Variants in PARD3B observed in about 807,000 individuals in gnomAD.
PARD3B encodes partitioning defective 3 homolog B.
In PARD3B, 103 loss-of-function variants were observed where a neutral mutation model predicts 130.2. That is an observed-to-expected ratio of 0.79 (90% confidence interval 0.67 to 0.93). The LOEUF (loss-of-function observed/expected upper bound fraction) is 0.93, where lower values mean the gene tolerates loss of function less well. PARD3B is among the 40% of genes least tolerant of loss of function. The pLI, the probability that PARD3B is intolerant of heterozygous loss-of-function variation, is 0.00. For missense variants in PARD3B, 1,609 were observed against 1,499.2 expected (o/e 1.07, Z -1.21); for synonymous variants, 583 against 553.2 (o/e 1.05, Z -0.76).
chr2:205,145,835 A>AC (rs1306046764), intron 10 of PARD3B, among the ~76,000 whole-genome samples: 2 of 151,824 alleles, frequency 1.3e-5, no homozygotes, highest in Non-Finnish European at 2.9e-5. Flanking sequence ...AAAAAAAAAA[A>AC]AAAAACACCT....
chr2:205,524,033 T>C (rs1237701728), intron 21 of PARD3B, among the ~76,000 whole-genome samples: 1 of 152,092 alleles, frequency 6.6e-6, no homozygotes, highest in Non-Finnish European at 1.5e-5. Flanking sequence ...TCTATTATCT[T>C]TAGGTTTTTA....
intron 11 of PARD3B, among the ~76,000 whole-genome samples, chr2:205,167,526 A>G (rs2034889534): frequency 1.3e-5 from 2 of 152,206 alleles, no homozygotes; most frequent in Admixed American, 1.3e-4. Context: ...CATGACTTGT[A>G]ACAATTCATT....
Position 205,499,960 on chromosome 2 carries a change from CGGAG to C in PARD3B, c.3113_3116del (p.Arg1038LysfsTer56). On this transcript the variant is annotated frameshift_variant, in exon 21 of 23. Coordinates refer to ENST00000406610, the MANE Select transcript of PARD3B (RefSeq NM_001302769.2). LOFTEE classifies it high-confidence loss of function. ...GTTGCGGAAAGAGTATTATCAGGCT[CGGAG>C]GGAAGGTTTCCCTTTATATGAAGAC... 1 of 1,613,774 alleles carries C rather than the reference CGGAG, an allele frequency of 6.2e-7. No individual in the cohort carries two copies. The highest frequency in any genetic ancestry group is 8.5e-7 in the Non-Finnish European group (1 of 1,179,732).
chr2:205,037,998 T>C (rs569266805), intron 3 of PARD3B, among the ~76,000 whole-genome samples: 10 of 152,268 alleles, frequency 6.6e-5, no homozygotes, highest in Admixed American at 5.9e-4. Context: ...ATAGAGATTG[T>C]TTATAATTAT....
intron 2 of PARD3B, among the ~76,000 whole-genome samples, chr2:204,744,537 G>A (rs1006504795): frequency 1.3e-5 from 2 of 152,184 alleles, no homozygotes; most frequent in Non-Finnish European, 2.9e-5. Flanking sequence ...CTGAATGTAT[G>A]TTTTAAAAGA....
At chr2:205,503,630 G>A (rs901312105) in intron 21 of PARD3B, among the ~76,000 whole-genome samples, 24 of 152,070 alleles carry the variant, frequency 1.6e-4, no homozygotes, top group African/African-American at 5.8e-4. Flanking sequence ...TTGTTCTTTT[G>A]TCTTAGGATT....
chr2:204,614,356 T>G (rs2034034252), intron 1 of PARD3B, among the ~76,000 whole-genome samples: 1 of 152,172 alleles, frequency 6.6e-6, no homozygotes, highest in African/African-American at 2.4e-5. Flanking sequence ...ATTTTATACT[T>G]AGAGTATATC....
In PARD3B at chr2:204,965,162, T is replaced by C; in HGVS notation, c.233T>C (p.Val78Ala). Residue 78 changes from valine (V) to alanine (A), a missense_variant, in exon 3 of 23, where the codon GTG becomes GCG. Coordinates refer to ENST00000406610, the MANE Select transcript of PARD3B (RefSeq NM_001302769.2). ...VVEDKDKLIAVFEEQEPLHKI... is the reference protein window; with the variant it reads ...VVEDKDKLIAAFEEQEPLHKI... ...TGGATTTGTTTGTAGCTGATTGCTG[T>C]GTTTGAAGAACAAGAACCACTCCAC... 2 of 1,613,378 alleles carry C rather than the reference T, an allele frequency of 1.2e-6. No individual in the cohort carries two copies. The highest frequency in any genetic ancestry group is 1.7e-6 in the Non-Finnish European group (2 of 1,179,584).
At chr2:205,161,224 T>G (rs988180523) in intron 11 of PARD3B, among the ~76,000 whole-genome samples, 1 of 152,214 alleles carries the variant, frequency 6.6e-6, no homozygotes, top group Non-Finnish European at 1.5e-5. Context: ...TATCCATGTT[T>G]GTGTAAGTGA....
At chr2:205,251,209 G>C (rs939232773) in intron 16 of PARD3B, among the ~76,000 whole-genome samples, 1 of 152,136 alleles carries the variant, frequency 6.6e-6, no homozygotes, top group Non-Finnish European at 1.5e-5. Flanking sequence ...TTGAGTATGA[G>C]AGGGACATCT....
chr2:204,677,395 T>C lies in PARD3B; in HGVS notation c.121-8786T>C, dbSNP rs1403441762. Among the ~76,000 whole-genome samples the C allele has an allele frequency of 6.6e-6, 1 of 152,220 alleles. No individual in the cohort carries two copies. The highest frequency in any genetic ancestry group is 2.1e-4 in the South Asian group (1 of 4,838). On this transcript the variant is annotated intron_variant, in intron 1 of 22. Transcript: ENST00000406610. The surrounding 1 kb of genome is among the most constrained non-coding windows in gnomAD (Gnocchi z 4.1). The stretch of plus-strand genomic sequence containing the variant: ...TAATTTTTACCTTACCTGATAACTT[T>C]AAGAGCTCAGTGCCCTGTAAACTGT...
chr2:205,022,782 A>G (rs1414498554), intron 3 of PARD3B, among the ~76,000 whole-genome samples: 1 of 152,152 alleles, frequency 6.6e-6, no homozygotes, highest in African/African-American at 2.4e-5. Context: ...ATTGTAAAAA[A>G]CTGGGACACT....
intron 2 of PARD3B, among the ~76,000 whole-genome samples, chr2:204,914,304 T>C (rs1285250769): frequency 2.0e-5 from 3 of 152,104 alleles, no homozygotes; most frequent in Non-Finnish European, 2.9e-5. Context: ...TAATCTTTCC[T>C]GGTCATGTGA....
intron 2 of PARD3B, among the ~76,000 whole-genome samples, chr2:204,820,042 A>G (rs1002023020): frequency 6.7e-6 from 1 of 149,076 alleles, no homozygotes; most frequent in Non-Finnish European, 1.5e-5. Context: ...CTAAAATAAT[A>G]GATGAAGGTG....
At chr2:205,556,159 T>G (rs755062745) in intron 22 of PARD3B, among the ~76,000 whole-genome samples, 2 of 152,166 alleles carry the variant, frequency 1.3e-5, no homozygotes, top group Non-Finnish European at 2.9e-5. Context: ...GGCCGGGAGC[T>G]TTGAAATATT....
chr2:205,011,794 G>T lies in PARD3B; in HGVS notation c.395-35787G>T, dbSNP rs1469466204. On this transcript the variant is annotated intron_variant, in intron 3 of 22. Transcript: ENST00000406610. The surrounding 1 kb of genome is among the most constrained non-coding windows in gnomAD (Gnocchi z 4.1). Reference sequence around the variant, plus strand: ...TATTTGACTCTTCCTTAGTTTTCTGGGTTTTTTTTTTTTACAACCATGCAT... The same window carrying T: ...TATTTGACTCTTCCTTAGTTTTCTGTGTTTTTTTTTTTTACAACCATGCAT... Among the ~76,000 whole-genome samples, 2 of 151,690 alleles carry T rather than the reference G, an allele frequency of 1.3e-5. No homozygotes were observed. The highest frequency in any genetic ancestry group is 4.1e-4 in the South Asian group (2 of 4,822).
chr2:205,582,727 G>C (rs75803680), intron 22 of PARD3B, among the ~76,000 whole-genome samples: 1,994 of 151,496 alleles, frequency 0.013, 48 homozygotes, highest in African/African-American at 0.046. Flanking sequence ...AAAGGAGATT[G>C]GGAGCTAGTA....
intron 1 of PARD3B, among the ~76,000 whole-genome samples, chr2:204,665,039 G>A (rs2035964499): frequency 6.6e-6 from 1 of 151,622 alleles, no homozygotes; most frequent in Admixed American, 6.6e-5. Flanking sequence ...TGTTAAGAAT[G>A]TGGTGGGGAG....
chr2:205,393,119 A>T (rs779161305), intron 18 of PARD3B, among the ~76,000 whole-genome samples: 23 of 152,318 alleles, frequency 1.5e-4, no homozygotes, highest in Middle Eastern at 6.8e-3. Context: ...ACCATATGAG[A>T]TTACAATACA....
Sources: allele counts gnomAD v4.1 joint callset (sites outside exome capture counted in the v4.1 genomes callset), GRCh38; gene constraint gnomAD v4.1.1; non-coding constraint Gnocchi (gnomAD v3.1); transcripts MANE v1.5; gene names NCBI Gene and HGNC (gene_info 2026-07-23, HGNC 2026-07-21).